Variants in GMEB1 observed in about 807,000 individuals in gnomAD.
GMEB1 encodes glucocorticoid modulatory element binding protein 1.
GMEB1 carries 6 observed loss-of-function variants against 52.4 expected under a neutral mutation model. The ratio of observed to expected loss-of-function variants is 0.11; its 90% confidence interval spans 0.06 to 0.23. The LOEUF is 0.23. GMEB1 is among the 10% of genes least tolerant of loss of function. The pLI, the probability that GMEB1 is intolerant of heterozygous loss-of-function variation, is 1.00. For missense variants in GMEB1, 486 were observed against 685.6 expected (o/e 0.71, Z 3.25); for synonymous variants, 255 against 244.9 (o/e 1.04, Z -0.38).
chr1:28,696,420 A>G (rs1670211567), intron 5 of GMEB1, among the ~76,000 whole-genome samples: 1 of 152,128 alleles, frequency 6.6e-6, no homozygotes, highest in Admixed American at 6.6e-5. Flanking sequence ...TTATTTACCC[A>G]GAAGGACAAG....
At chr1:28,702,083 A>G (rs1348937654) in intron 6 of GMEB1, among the ~76,000 whole-genome samples, 1 of 152,138 alleles carries the variant, frequency 6.6e-6, no homozygotes, top group South Asian at 2.1e-4. Flanking sequence ...ACCCTCAGTA[A>G]GTCTGGGGCT....
At chr1:28,700,278 C>T (rs907107499) in intron 6 of GMEB1, among the ~76,000 whole-genome samples, 9 of 151,494 alleles carry the variant, frequency 5.9e-5, no homozygotes, top group African/African-American at 1.9e-4. Flanking sequence ...TTTGGGAGGC[C>T]GAGGCTGGCA....
chr1:28,698,776 G>A (rs1161062090), intron 6 of GMEB1, among the ~76,000 whole-genome samples: 2 of 152,006 alleles, frequency 1.3e-5, no homozygotes, highest in Non-Finnish European at 2.9e-5. Context: ...CTGAGGTCAG[G>A]AGTTCAAGAC....
intron 2 of GMEB1, among the ~76,000 whole-genome samples, chr1:28,685,668 A>G (rs1028121445): frequency 6.6e-6 from 1 of 152,174 alleles, no homozygotes; most frequent in African/African-American, 2.4e-5. Context: ...CTGATAAAAA[A>G]TCTTGTTTAC....
At chr1:28,710,683 A>G in intron 9 of GMEB1, 41 bp downstream of exon 9, 3 of 1,366,010 alleles carry the variant, frequency 2.2e-6, no homozygotes, top group South Asian at 3.9e-5. Flanking sequence ...ATATCATGCT[A>G]ATATTCTTGT....
intron 5 of GMEB1, 69 bp from the exon 6 acceptor site, chr1:28,696,858 T>C: frequency 8.2e-7 from 1 of 1,225,308 alleles, no homozygotes; most frequent in Non-Finnish European, 1.2e-6. Context: ...TCCCTATTTT[T>C]CCCTGAGGCC....
At chr1:28,705,778 T>A (rs1670728781) in intron 8 of GMEB1, among the ~76,000 whole-genome samples, 2 of 152,112 alleles carry the variant, frequency 1.3e-5, no homozygotes, top group South Asian at 4.2e-4. Context: ...ACTCTCTGTA[T>A]ACATTCATTA....
chr1:28,687,373 C>CAAAAAAA (rs1319753146), intron 2 of GMEB1, among the ~76,000 whole-genome samples: 9 of 23,914 alleles, frequency 3.8e-4, no homozygotes, highest in African/African-American at 6.7e-4. Context: ...CACACACACA[C>CAAAAAAA]ACACACACAC....
Position 28,713,198 on chromosome 1 carries a change from C to CATG in GMEB1, c.992-874_992-872dup, listed in dbSNP as rs552269599. Among the ~76,000 whole-genome samples the CATG allele has an allele frequency of 3.6e-3, 543 of 151,788 alleles. 6 individuals carry two copies. Among genetic ancestry groups the CATG allele is most frequent in the African/African-American group, 0.013 (521 of 41,414 alleles). On this transcript the variant is annotated intron_variant, in intron 9 of 9. Transcript: ENST00000373816. Reference sequence around the variant, plus strand: ...AAAGACATTTACCGCTCTGGAGATCCATGTGTTTTAGGAGCTGTGTGCCAG... The same window carrying CATG: ...AAAGACATTTACCGCTCTGGAGATCCATGATGTGTTTTAGGAGCTGTGTGCCAG...
intron 8 of GMEB1, among the ~76,000 whole-genome samples, chr1:28,704,647 C>G (rs1670662511): frequency 6.6e-6 from 1 of 151,952 alleles, no homozygotes; most frequent in Non-Finnish European, 1.5e-5. Flanking sequence ...GCTCTATCGC[C>G]TAGACTGGAG....
chr1:28,684,292 A>G (rs1424807641), intron 2 of GMEB1, among the ~76,000 whole-genome samples: 1 of 152,094 alleles, frequency 6.6e-6, no homozygotes, highest in Non-Finnish European at 1.5e-5. Flanking sequence ...GGCCGGGTGC[A>G]GTGGCTCACG....
chr1:28,669,530 G>C (rs981847801), intron 1 of GMEB1, among the ~76,000 whole-genome samples: 12 of 152,092 alleles, frequency 7.9e-5, no homozygotes, highest in Non-Finnish European at 1.3e-4. Flanking sequence ...CAGAACAAGG[G>C]AAAAAAGGGC....
At chr1:28,693,696 C>T (rs1331706474) in intron 5 of GMEB1, among the ~76,000 whole-genome samples, 1 of 152,110 alleles carries the variant, frequency 6.6e-6, no homozygotes, top group Non-Finnish European at 1.5e-5. Context: ...CGTGATCCAC[C>T]CACCTCCGCT....
intron 8 of GMEB1, among the ~76,000 whole-genome samples, chr1:28,709,802 T>G (rs931391246): frequency 1.3e-5 from 2 of 152,102 alleles, no homozygotes; most frequent in Non-Finnish European, 2.9e-5. Flanking sequence ...AATTTTTGTA[T>G]TTTTGTTAGA....
chr1:28,697,361 A>G (rs1047442477), intron 6 of GMEB1, among the ~76,000 whole-genome samples: 4 of 151,758 alleles, frequency 2.6e-5, no homozygotes, highest in Admixed American at 6.6e-5. Context: ...GGCATGCGCC[A>G]CCACACCTGG....
intron 1 of GMEB1, among the ~76,000 whole-genome samples, chr1:28,678,194 A>C (rs1669239941): frequency 6.6e-6 from 1 of 152,050 alleles, no homozygotes; most frequent in Non-Finnish European, 1.5e-5. Flanking sequence ...CGTCTCAAAA[A>C]AAAAAAAAAG....
At chr1:28,675,997 T>TA (rs558040571) in intron 1 of GMEB1, among the ~76,000 whole-genome samples, 3 of 152,134 alleles carry the variant, frequency 2.0e-5, no homozygotes, top group Non-Finnish European at 4.4e-5. Flanking sequence ...ACCCATGACT[T>TA]AGAGTGACAT....
At position 28,716,737 on chromosome 1, in the gene GMEB1, G is replaced by GC. The variant is rs1319686734; in HGVS notation, c.*1965dup. The GC allele has an allele frequency of 1.3e-4, 12 of 94,052 alleles. No homozygotes were observed. The highest frequency in any genetic ancestry group is 2.2e-4 in the Non-Finnish European group (10 of 45,652). The allele number at this position is 94,052 out of a possible 1,614,324, so 5.8% of individuals were successfully genotyped here. A position where few individuals can be genotyped will look rare whatever the true frequency, so the allele number is the denominator to read the frequency against. On this transcript the variant is annotated 3_prime_UTR_variant, in exon 10 of 10. Coordinates refer to ENST00000373816, the MANE Select transcript of GMEB1 (RefSeq NM_001319674.2). Reference sequence around the variant, plus strand: ...ATGTACCAGGAATGTCAATAATAATGCTTTGGGGGGGGGGGTTATTTTGTT... The same window carrying GC: ...ATGTACCAGGAATGTCAATAATAATGCCTTTGGGGGGGGGGGTTATTTTGTT...
chr1:28,704,451 G>T (rs1186028534), intron 8 of GMEB1, 122 bp downstream of exon 8: 3 of 711,364 alleles, frequency 4.2e-6, no homozygotes. Flanking sequence ...TACAGATAAG[G>T]AAACTAAGGC....
Sources: allele counts gnomAD v4.1 joint callset (sites outside exome capture counted in the v4.1 genomes callset), GRCh38; gene constraint gnomAD v4.1.1; transcripts MANE v1.5; gene names NCBI Gene and HGNC (gene_info 2026-07-23, HGNC 2026-07-21).